The following AKNA variants were observed in gnomAD, a reference collection of about 807,000 sequenced individuals.
AKNA encodes AT-hook transcription factor.
A neutral mutation model predicts 138.8 loss-of-function variants in AKNA; 67 were observed. That is an observed-to-expected ratio of 0.48 (90% CI 0.40 to 0.59). The LOEUF (loss-of-function observed/expected upper bound fraction) is 0.59. Among genes scored for constraint, AKNA ranks in the 20% least tolerant of loss-of-function variants. The probability of loss-of-function intolerance (pLI) is 0.00; values close to 1 mark genes in which losing one functional copy is unlikely to be tolerated. For missense variants in AKNA, 1,813 were observed against 1,880.4 expected (o/e 0.96, Z 0.66); for synonymous variants, 737 against 754.4 (o/e 0.98, Z 0.38).
chr9:114,331,258 G>A (rs1588925537), downstream of AKNA, among the ~76,000 whole-genome samples: 1 of 152,106 alleles, frequency 6.6e-6, no homozygotes, highest in East Asian at 1.9e-4. Flanking sequence ...GCAGGGATCT[G>A]ATGGAGCTGA....
intron 21 of AKNA, among the ~76,000 whole-genome samples, chr9:114,340,414 C>G (rs528540444): frequency 6.6e-6 from 1 of 152,204 alleles, no homozygotes; most frequent in Non-Finnish European, 1.5e-5. Context: ...GTTGAACCCA[C>G]TTTTACTCCT....
chr9:114,330,900 G>T (rs201106598), downstream of AKNA: 5 of 1,568,002 alleles, frequency 3.2e-6, no homozygotes, highest in Admixed American at 3.3e-5. Flanking sequence ...TTCACCGTGG[G>T]AACAGGGCAG....
intron 1 of AKNA, among the ~76,000 whole-genome samples, chr9:114,393,007 G>A (rs1239031785): frequency 6.6e-6 from 1 of 152,100 alleles, no homozygotes; most frequent in Non-Finnish European, 1.5e-5. Flanking sequence ...AACAAACCGT[G>A]CACGTGCCAG....
intron 2 of AKNA, among the ~76,000 whole-genome samples, chr9:114,380,306 C>T (rs1484714044): frequency 6.6e-6 from 1 of 152,166 alleles, no homozygotes; most frequent in African/African-American, 2.4e-5. Context: ...TACTAAAACG[C>T]CCAGCAGTAG....
chr9:114,387,956 C>T lies in AKNA; in HGVS notation c.-210G>A, dbSNP rs956348946. ...CCCAGGGAGCCCCCTGTCTCCATTG[C>T]GCCCTGGCCCACCTCCAGGCCGTTC... On this transcript the variant is annotated 5_prime_UTR_variant, in exon 1 of 22. Transcript: ENST00000374088. 5 of 439,886 alleles carry T rather than the reference C, an allele frequency of 1.1e-5. No homozygotes were observed. The highest frequency in any genetic ancestry group is 1.4e-4 in the East Asian group (2 of 13,870). The allele number at this position is 439,886 out of a possible 1,614,324, so 27.2% of individuals were successfully genotyped here.
At chr9:114,367,833 C>T (rs1832476621) in intron 5 of AKNA, 136 bp from the exon 6 acceptor site, 1 of 1,000,058 alleles carries the variant, frequency 1.0e-6, no homozygotes, top group African/African-American at 1.7e-5. Context: ...TCACATCAGC[C>T]CCAGGAAGTG....
intron 11 of AKNA, chr9:114,359,283 A>C: frequency 2.3e-6 from 1 of 427,276 alleles, no homozygotes; most frequent in East Asian, 5.3e-5. Context: ...TGCTCAGGCT[A>C]GTCTTGAACT....
chr9:114,378,296 C>T (rs573414146), intron 2 of AKNA, among the ~76,000 whole-genome samples: 1 of 152,246 alleles, frequency 6.6e-6, no homozygotes, highest in South Asian at 2.1e-4. Flanking sequence ...TCAACCTCTG[C>T]CTCCTCAAGG....
In AKNA at chr9:114,361,867, T is replaced by A. The variant is rs1831993989; in HGVS notation, c.1961A>T (p.Glu654Val). 1.2e-6 allele frequency: 2 copies of A among 1,608,938 alleles called. No homozygotes were observed. The highest frequency in any genetic ancestry group is 1.7e-6 in the Non-Finnish European group (2 of 1,179,982). The change falls in exon 9 of 22, where the codon GAG becomes GTG. Residue 654 changes from glutamate to valine, a missense_variant. Transcript: ENST00000374088. ...GGTCTGGTCTATGTGTTCCTTCAGC[T>A]CTTCCAGGCAGCTTCCCAGACGGTA... is the stretch of plus-strand genomic sequence containing the variant. The part of the protein sequence containing the change: ...EIYRLGSCLE[E>V]LKEHIDQTQQ...
intron 8 of AKNA, 74 bp from the exon 9 acceptor site, chr9:114,361,985 A>C: frequency 2.0e-6 from 3 of 1,502,538 alleles, no homozygotes; most frequent in Non-Finnish European, 2.7e-6. Flanking sequence ...ACAGAGTATC[A>C]GAGCAGAGAC....
chr9:114,347,985 C>T (rs1300432425), intron 15 of AKNA, 85 bp from the exon 16 acceptor site: 4 of 1,438,794 alleles, frequency 2.8e-6, no homozygotes, highest in Admixed American at 2.5e-5. Context: ...GATGCGGCAG[C>T]CTTTGTCCCT....
rs780266644 is a variant in AKNA, at chr9:114,356,849, G to A, written c.2846+14C>T. On this transcript the variant is annotated intron_variant, in intron 13 of 21. Transcript: ENST00000374088. ...ATGTGGCACTGACGGGACAATGGCG[G>A]GATCCCGGGATACCTGATGTGGGAG... 1 of 1,532,096 alleles carries A rather than the reference G, an allele frequency of 6.5e-7. No individual in the cohort carries two copies. The highest frequency in any genetic ancestry group is 8.7e-7 in the Non-Finnish European group (1 of 1,148,580). 94.9% of individuals were successfully genotyped at this position (1,532,096 alleles called of 1,614,324 possible). A position where few individuals can be genotyped will look rare whatever the true frequency, so the allele number is the denominator to read the frequency against.
At chr9:114,343,648 T>G in intron 19 of AKNA, 60 bp downstream of exon 19, 1 of 1,549,946 alleles carries the variant, frequency 6.5e-7, no homozygotes, top group Non-Finnish European at 8.9e-7. Flanking sequence ...CACACTCCCC[T>G]GAGGGCAAGA....
chr9:114,380,914 C>A, intron 2 of AKNA, 146 bp downstream of exon 2: 1 of 898,382 alleles, frequency 1.1e-6, no homozygotes, highest in Non-Finnish European at 1.5e-6. Context: ...ACCCAGGAGG[C>A]AGAGGCTGTA....
intron 4 of AKNA, among the ~76,000 whole-genome samples, chr9:114,373,885 CA>C (rs758805914): frequency 0.24 from 18,446 of 78,206 alleles, 1,093 homozygotes; most frequent in East Asian, 0.44. Context: ...GACCCTGACT[CA>C]AAAAAAAAAA....
rs10610956 is a variant in AKNA at position 114,335,771 on chromosome 9, C to CAAAAAAAAAAAAAA, written c.*1269_*1282dup. 9.8e-6 allele frequency: 1 copy of CAAAAAAAAAAAAAA among 101,682 alleles called. No individual in the cohort carries two copies. The highest frequency in any genetic ancestry group is 3.6e-5 in the African/African-American group (1 of 27,622). The allele number at this position is 101,682 out of a possible 1,614,324, so 6.3% of individuals were successfully genotyped here. On this transcript the variant is annotated 3_prime_UTR_variant, in exon 22 of 22. Transcript: ENST00000374088. ...GGGCAACCAGAGCAAAACTCAGTCT[C>CAAAAAAAAAAAAAA]AAAAAAAAAAAAAAAAAGAAAAAGA...
intron 2 of AKNA, 95 bp downstream of exon 2, chr9:114,380,965 A>C (rs1833608317): frequency 1.5e-6 from 2 of 1,361,320 alleles, no homozygotes; most frequent in Non-Finnish European, 1.9e-6. Context: ...CCTGGCAATG[A>C]AGCAAGACTC....
Position 114,385,712 on chromosome 9 carries a change from C to G in AKNA, c.-114+2148G>C, listed in dbSNP as rs1833982682. 2.0e-5 allele frequency among the ~76,000 whole-genome samples: 3 copies of G among 152,212 alleles called. No individual in the cohort carries two copies. The South Asian group carries it at 6.2e-4, about 31-fold the overall frequency. On this transcript the variant is annotated intron_variant, in intron 1 of 21. Transcript: ENST00000374088. ...CGCACTTGCCCCCAGGCGCCTAAAC[C>G]AGTGAGCCTTTCCTGAGCCAGGCCT...
Position 114,377,129 on chromosome 9 carries a change from G to A in AKNA, c.678C>T (p.Pro226=), listed in dbSNP as rs1833290752. Residue 226 remains proline (P), a synonymous_variant, in exon 3 of 22, where the codon CCC becomes CCT. Transcript: ENST00000374088. Reference sequence around the variant, plus strand: ...AGGTTTCTGCCAGGGCAGTGGGCTGGGGGCCATCGGTCTCTCCTTCCCAGG... The same window carrying A: ...AGGTTTCTGCCAGGGCAGTGGGCTGAGGGCCATCGGTCTCTCCTTCCCAGG... The part of the protein sequence containing the change: ...DSTWEGETDG[P]QPTALAETLP... The A allele has an allele frequency of 3.1e-6, 5 of 1,614,048 alleles. No individual in the cohort carries two copies. The East Asian group carries it at 1.1e-4, about 36-fold the overall frequency.
Sources: allele counts gnomAD v4.1 joint callset (sites outside exome capture counted in the v4.1 genomes callset), GRCh38; gene constraint gnomAD v4.1.1; transcripts MANE v1.5; gene names NCBI Gene and HGNC (gene_info 2026-07-23, HGNC 2026-07-21).